Variants in RAD51 observed in about 807,000 individuals in gnomAD.
The protein encoded by RAD51 is RAD51 recombinase.
A neutral mutation model predicts 41.5 loss-of-function variants in RAD51; 14 were observed. The ratio of observed to expected loss-of-function variants is 0.34; its 90% CI spans 0.22 to 0.53. RAD51 has a LOEUF of 0.53. Among genes scored for constraint, RAD51 ranks in the 20% least tolerant of loss-of-function variants. The pLI, the probability that RAD51 is intolerant of heterozygous loss-of-function variation, is 0.95. For missense variants in RAD51, 234 were observed against 422.0 expected, an observed-to-expected ratio of 0.55 and a Z score of 3.90; for synonymous variants, 136 against 148.6, an observed-to-expected ratio of 0.92 and a Z score of 0.62.
chr15:40,724,360 A>G (rs11070291), intron 6 of RAD51, among the ~76,000 whole-genome samples: 74,768 of 151,858 alleles, frequency 0.49, 19,245 homozygotes, highest in East Asian at 0.77. Flanking sequence ...CTCTTGTAAC[A>G]TAAATAAGTA....
At chr15:40,717,960 G>A (rs2141855529) in intron 5 of RAD51, among the ~76,000 whole-genome samples, 1 of 152,202 alleles carries the variant, frequency 6.6e-6, no homozygotes, top group East Asian at 1.9e-4. Context: ...GGCCAGGTGT[G>A]GTGGCTCACG....
chr15:40,722,345 G>C (rs1287340408), intron 6 of RAD51, among the ~76,000 whole-genome samples: 1 of 151,860 alleles, frequency 6.6e-6, no homozygotes, highest in Non-Finnish European at 1.5e-5. Flanking sequence ...CCTGGGAGGT[G>C]GAGGTTGCAG....
At chr15:40,705,326 C>T (rs967621397) in intron 3 of RAD51, among the ~76,000 whole-genome samples, 1 of 152,122 alleles carries the variant, frequency 6.6e-6, no homozygotes, top group African/African-American at 2.4e-5. Flanking sequence ...TTAGAATCAA[C>T]CCATAGTGCT....
intron 6 of RAD51, among the ~76,000 whole-genome samples, chr15:40,724,141 T>C (rs1896419798): frequency 6.6e-6 from 1 of 152,300 alleles, no homozygotes; most frequent in African/African-American, 2.4e-5. Context: ...GGAATGGTAA[T>C]TGCAGCTTTT....
intron 1 of RAD51, 39 bp from the exon 2 acceptor site, chr15:40,698,718 T>A: frequency 6.4e-7 from 1 of 1,566,726 alleles, no homozygotes; most frequent in Non-Finnish European, 8.8e-7. Context: ...GCACCTTATT[T>A]CTCTAGTGTT....
intron 5 of RAD51, among the ~76,000 whole-genome samples, chr15:40,715,609 A>G (rs982797404): frequency 1.3e-5 from 2 of 152,212 alleles, no homozygotes; most frequent in African/African-American, 2.4e-5. Context: ...GAAGATGGCT[A>G]TGATGGCACT....
chr15:40,704,723 G>A (rs1895229701), intron 3 of RAD51, among the ~76,000 whole-genome samples: 1 of 146,714 alleles, frequency 6.8e-6, no homozygotes, highest in African/African-American at 2.5e-5. Context: ...AGGCTGGAGT[G>A]CAGTGGTGCA....
At chr15:40,730,010 A>G in intron 9 of RAD51, 36 bp downstream of exon 9, 12 of 1,609,072 alleles carry the variant, frequency 7.5e-6, no homozygotes, top group Non-Finnish European at 1.0e-5. Context: ...TCTTTTCGGA[A>G]TGTCATATTA....
At chr15:40,707,008 C>T (rs1443121196) in intron 4 of RAD51, among the ~76,000 whole-genome samples, 1 of 151,814 alleles carries the variant, frequency 6.6e-6, no homozygotes, top group Non-Finnish European at 1.5e-5. Flanking sequence ...ATTTATTTTT[C>T]GAGACAGGGT....
At chr15:40,717,003 G>T (rs575012175) in intron 5 of RAD51, among the ~76,000 whole-genome samples, 109 of 151,616 alleles carry the variant, frequency 7.2e-4, no homozygotes, top group Admixed American at 7.1e-3. Context: ...TTTAATATAA[G>T]CATATAGTTG....
intron 6 of RAD51, among the ~76,000 whole-genome samples, chr15:40,728,323 A>G (rs983281095): frequency 3.3e-5 from 5 of 152,136 alleles, no homozygotes; most frequent in South Asian, 2.1e-4. Flanking sequence ...TTAGCTATGC[A>G]TGGTGCTGCA....
intron 2 of RAD51, among the ~76,000 whole-genome samples, chr15:40,699,819 A>C (rs1450906767): frequency 6.6e-6 from 1 of 152,130 alleles, no homozygotes; most frequent in African/African-American, 2.4e-5. Context: ...GCCTTACACT[A>C]TTTCTGCCCA....
chr15:40,728,629 A>G, intron 6 of RAD51, 82 bp from the exon 7 acceptor site: 1 of 1,064,002 alleles, frequency 9.4e-7, no homozygotes, highest in Non-Finnish European at 1.5e-6. Flanking sequence ...CTACCTATTC[A>G]GGTAATTTAA....
At chr15:40,697,460 G>T (rs763809792) in intron 1 of RAD51, among the ~76,000 whole-genome samples, 2 of 151,672 alleles carry the variant, frequency 1.3e-5, no homozygotes, top group Non-Finnish European at 2.9e-5. Context: ...TGGCTAGTGC[G>T]TTATGCATCC....
intron 6 of RAD51, among the ~76,000 whole-genome samples, chr15:40,720,712 G>GA (rs45455491): frequency 0.015 from 2,176 of 149,806 alleles, 56 homozygotes; most frequent in African/African-American, 0.05. Context: ...AGTAAAACTT[G>GA]AAAAAAAAAC....
rs757564729 is a variant in RAD51, at chr15:40,724,670, A to ATTTGTTTTTTTTTTTTTTTTTTT, written c.531-4038_531-4037insGTTTTTTTTTTTTTTTTTTTTTT. Among the ~76,000 whole-genome samples, 2 of 72,028 alleles carry ATTTGTTTTTTTTTTTTTTTTTTT rather than the reference A, an allele frequency of 2.8e-5. 1 individual carries two copies. Among genetic ancestry groups the ATTTGTTTTTTTTTTTTTTTTTTT allele is most frequent in the Non-Finnish European group, 5.7e-5 (2 of 34,924 alleles). The allele number at this position is 72,028 out of a possible 152,430, so 47.3% of individuals were successfully genotyped here. Reference sequence around the variant, plus strand: ...ACCACCAAGCCCAGCTAATTTTTTTATTTCTTTTTTTTTTTTTTTTTTTTT... The same window carrying ATTTGTTTTTTTTTTTTTTTTTTT: ...ACCACCAAGCCCAGCTAATTTTTTTATTTGTTTTTTTTTTTTTTTTTTTTTTCTTTTTTTTTTTTTTTTTTTTT... On this transcript the variant is annotated intron_variant, in intron 6 of 9. Coordinates refer to ENST00000267868, the MANE Select transcript of RAD51 (RefSeq NM_002875.5).
chr15:40,723,693 AT>A (rs1055271443), intron 6 of RAD51, among the ~76,000 whole-genome samples: 1 of 152,130 alleles, frequency 6.6e-6, no homozygotes, highest in South Asian at 2.1e-4. Flanking sequence ...AAGTTGAGAG[AT>A]TTTTTAGGGG....
At chr15:40,711,376 G>A (rs1895698696) in intron 5 of RAD51, among the ~76,000 whole-genome samples, 1 of 152,218 alleles carries the variant, frequency 6.6e-6, no homozygotes, top group African/African-American at 2.4e-5. Flanking sequence ...TCCAGTGACT[G>A]GGATCGTGCC....
chr15:40,701,478 G>A (rs556998469), intron 3 of RAD51, among the ~76,000 whole-genome samples: 98 of 147,684 alleles, frequency 6.6e-4, no homozygotes, highest in African/African-American at 2.3e-3. Context: ...AAGCTCAAGC[G>A]ATCCTCTCAC....
Sources: allele counts gnomAD v4.1 joint callset (sites outside exome capture counted in the v4.1 genomes callset), GRCh38; gene constraint gnomAD v4.1.1; transcripts MANE v1.5; gene names NCBI Gene and HGNC (gene_info 2026-07-23, HGNC 2026-07-21).